Variants in OGDH observed in about 807,000 individuals in gnomAD.
The protein encoded by OGDH is 2-oxoglutarate dehydrogenase complex component E1.
OGDH carries 38 observed loss-of-function variants against 116.6 expected under a neutral mutation model. The observed-to-expected ratio is 0.33, with a 90% CI of 0.25 to 0.43. The LOEUF is 0.43. Ranked by LOEUF, OGDH falls within the 20% of genes least tolerant of loss-of-function variation. The pLI is 1.00. For synonymous variants in OGDH, 488 were observed against 533.3 expected, an observed-to-expected ratio of 0.92 and a Z score of 1.17; for missense variants, 825 against 1,357.2, an observed-to-expected ratio of 0.61 and a Z score of 6.16.
At position 44,693,839 on chromosome 7, in the gene OGDH, C is replaced by G; in HGVS notation, c.1350C>G (p.Thr450=). 1 of 1,595,598 alleles carries G rather than the reference C, an allele frequency of 6.3e-7. No homozygotes were observed. Among genetic ancestry groups the G allele is most frequent in the Non-Finnish European group, 8.6e-7 (1 of 1,166,654 alleles). ...VVVNNQIGFT[T]DPRMARSSPY... ...GTTCCTTGCAGATCGGCTTCACCAC[C>G]GACCCTCGGATGGCCCGCTCCTCCC... The change falls in exon 11 of 23, where the codon ACC becomes ACG. Residue 450 remains threonine (T), a synonymous_variant. Transcript: ENST00000222673.
intron 2 of OGDH, among the ~76,000 whole-genome samples, chr7:44,635,982 C>T (rs565414015): frequency 3.5e-4 from 54 of 152,366 alleles, no homozygotes; most frequent in African/African-American, 1.2e-3. Flanking sequence ...GGATTGCAGG[C>T]GTGAGCCACT....
chr7:44,636,511 G>T (rs1389879728), intron 2 of OGDH, among the ~76,000 whole-genome samples: 1 of 152,250 alleles, frequency 6.6e-6, no homozygotes, highest in Non-Finnish European at 1.5e-5. Flanking sequence ...CTCTCCCAGG[G>T]TGGAACCCCA....
intron 1 of OGDH, among the ~76,000 whole-genome samples, chr7:44,620,052 G>T (rs966808025): frequency 2.6e-5 from 4 of 151,946 alleles, no homozygotes; most frequent in African/African-American, 9.7e-5. Context: ...ACAGAGTCTC[G>T]CTCTGTCACT....
chr7:44,647,436 G>C (rs1786234336), intron 3 of OGDH: 2 of 1,534,600 alleles, frequency 1.3e-6, no homozygotes, highest in Admixed American at 2.0e-5. Context: ...TTGTGTTATT[G>C]CTTCCAGGTC....
rs541166078 is a variant in OGDH at position 44,607,479 on chromosome 7, G to T, written c.-28+826G>T. The stretch of plus-strand genomic sequence containing the variant: ...GGGTTTCCTTGTGCCTTGTCTTGCA[G>T]TCCGTACTTTGAGGCTGATTTCCAG... On this transcript the variant is annotated intron_variant, in intron 1 of 22. Coordinates refer to ENST00000222673, the MANE Select transcript of OGDH (RefSeq NM_002541.4). Among the ~76,000 whole-genome samples, 3 of 152,290 alleles carry T rather than the reference G, an allele frequency of 2.0e-5. No individual in the cohort carries two copies. In the South Asian group the frequency reaches 6.2e-4, roughly 32 times the overall value.
At chr7:44,611,056 A>G (rs887049800) in intron 1 of OGDH, among the ~76,000 whole-genome samples, 3 of 149,570 alleles carry the variant, frequency 2.0e-5, no homozygotes, top group East Asian at 2.0e-4. Flanking sequence ...AGATTTTATC[A>G]TATGTATTTT....
intron 1 of OGDH, among the ~76,000 whole-genome samples, chr7:44,611,257 A>G (rs893201365): frequency 2.0e-5 from 3 of 149,140 alleles, no homozygotes; most frequent in Non-Finnish European, 4.5e-5. Context: ...TAATTTTTGT[A>G]TTTTTTGTTT....
chr7:44,671,479 A>G (rs1234526443), intron 5 of OGDH, among the ~76,000 whole-genome samples: 3 of 152,066 alleles, frequency 2.0e-5, no homozygotes, highest in African/African-American at 7.2e-5. Context: ...AAATATCTTA[A>G]ATAGCCGGGC....
intron 1 of OGDH, among the ~76,000 whole-genome samples, chr7:44,612,019 C>A (rs1171425488): frequency 6.6e-6 from 1 of 152,062 alleles, no homozygotes; most frequent in Admixed American, 6.6e-5. Flanking sequence ...GTGCTGCACC[C>A]ATTAACTCGT....
At chr7:44,632,221 C>T (rs1159399824) in intron 2 of OGDH, among the ~76,000 whole-genome samples, 1 of 151,922 alleles carries the variant, frequency 6.6e-6, no homozygotes, top group Non-Finnish European at 1.5e-5. Context: ...GGACTGAGGC[C>T]AGGACAGCAG....
chr7:44,698,273 A>G lies in OGDH; in HGVS notation c.2430+10A>G. On this transcript the variant is annotated intron_variant, in intron 18 of 22. Transcript: ENST00000222673. ...CCCAGATGTCCTGCCAGTGAGTAAT[A>G]CAGGCCCTGTCAGCCCAGCCATTCT... is the stretch of plus-strand genomic sequence containing the variant. The G allele has an allele frequency of 6.2e-7, 1 of 1,613,540 alleles. No homozygotes were observed. The highest frequency in any genetic ancestry group is 8.5e-7 in the Non-Finnish European group (1 of 1,179,776).
chr7:44,646,068 A>C (rs6977605), intron 3 of OGDH, among the ~76,000 whole-genome samples: 9,565 of 152,260 alleles, frequency 0.063, 376 homozygotes, highest in Middle Eastern at 0.095. Context: ...TCGTTAGGCA[A>C]GTGTTGAGCA....
intron 1 of OGDH, among the ~76,000 whole-genome samples, chr7:44,611,004 G>A (rs1297817467): frequency 1.3e-5 from 2 of 151,824 alleles, no homozygotes; most frequent in South Asian, 2.1e-4. Context: ...GATTGCTTTT[G>A]GTGTTGAGTT....
At chr7:44,699,898 A>T (rs1394881702) in intron 18 of OGDH, among the ~76,000 whole-genome samples, 1 of 152,058 alleles carries the variant, frequency 6.6e-6, no homozygotes, top group African/African-American at 2.4e-5. Flanking sequence ...GAGGGGCCAC[A>T]CACTTTCAAC....
intron 2 of OGDH, among the ~76,000 whole-genome samples, chr7:44,635,574 A>G (rs769258585): frequency 6.6e-6 from 1 of 152,138 alleles, no homozygotes; most frequent in Non-Finnish European, 1.5e-5. Context: ...GGGGCTATGG[A>G]TAGATGAGAG....
Position 44,671,624 on chromosome 7 carries a change from C to T in OGDH, c.634-2163C>T, listed in dbSNP as rs1175874636. ...TAAAAATACAACAAAAAAAATTAGC[C>T]GGGCGTGGTGGCATGCACCTATAGT... On this transcript the variant is annotated intron_variant, in intron 5 of 22. Transcript: ENST00000222673. Among the ~76,000 whole-genome samples, 5 of 149,230 alleles carry T rather than the reference C, an allele frequency of 3.4e-5. No homozygotes were observed. In the South Asian group the frequency reaches 1.1e-3, roughly 31 times the overall value.
At chr7:44,633,071 G>T (rs779387045) in intron 2 of OGDH, among the ~76,000 whole-genome samples, 6 of 151,202 alleles carry the variant, frequency 4.0e-5, no homozygotes, top group Non-Finnish European at 8.8e-5. Flanking sequence ...GGCTAACATG[G>T]TGAAACCCTG....
intron 20 of OGDH, among the ~76,000 whole-genome samples, chr7:44,706,866 C>T (rs1239696050): frequency 1.3e-5 from 2 of 152,018 alleles, no homozygotes; most frequent in East Asian, 1.9e-4. Context: ...TCAGGCAATC[C>T]GCCCGCCTCA....
chr7:44,627,335 C>A (rs954538891), intron 2 of OGDH, among the ~76,000 whole-genome samples: 3 of 152,206 alleles, frequency 2.0e-5, no homozygotes, highest in African/African-American at 7.2e-5. Flanking sequence ...TAACTTCTGT[C>A]CAAATTTCAA....
Sources: gnomAD v4.1 joint callset for allele counts (sites outside exome capture counted in the v4.1 genomes callset) on GRCh38, gnomAD v4.1.1 for gene constraint, MANE v1.5 for transcripts, NCBI Gene and HGNC (gene_info 2026-07-23, HGNC 2026-07-21) for gene names.